The following MYZAP variants were observed in gnomAD, a reference collection of about 807,000 sequenced individuals.
MYZAP encodes myocardial zonula adherens protein.
Under a neutral mutation model 69.4 loss-of-function variants are expected in MYZAP, and 66 were observed. The observed-to-expected ratio is 0.95, with a 90% CI of 0.78 to 1.17. The LOEUF is 1.17. Among genes scored for constraint, MYZAP ranks in the 50% most tolerant of loss-of-function variants. The pLI is 0.00. For missense variants in MYZAP, 611 were observed against 556.2 expected (o/e 1.10, Z -0.99); for synonymous variants, 256 against 205.9 (o/e 1.24, Z -2.09).
chr15:57,668,894 A>ATATTTTTTTTT (rs1252525814), intron 11 of MYZAP, among the ~76,000 whole-genome samples: 1 of 62,604 alleles, frequency 1.6e-5, no homozygotes, highest in African/African-American at 3.9e-5. Context: ...ATATATATAT[A>ATATTTTTTTTT]TTTTTTTTTT....
intron 10 of MYZAP, chr15:57,646,440 A>C: frequency 9.5e-7 from 1 of 1,053,198 alleles, no homozygotes; most frequent in Non-Finnish European, 1.1e-6. Flanking sequence ...AGATCCACAG[A>C]GTATTTTTAG....
chr15:57,636,528 TG>T (rs1377068656), intron 8 of MYZAP, among the ~76,000 whole-genome samples: 1 of 152,190 alleles, frequency 6.6e-6, no homozygotes, highest in Non-Finnish European at 1.5e-5. Context: ...GTTTGCTGGG[TG>T]GAATTTCCGA....
intron 10 of MYZAP, among the ~76,000 whole-genome samples, chr15:57,645,834 T>G (rs2037415655): frequency 6.6e-6 from 1 of 152,250 alleles, no homozygotes; most frequent in South Asian, 2.1e-4. Flanking sequence ...GTTTTCTAGC[T>G]TAGCCATCAA....
At chr15:57,684,092 C>G (rs1365333952) in intron 12 of MYZAP, among the ~76,000 whole-genome samples, 2 of 150,566 alleles carry the variant, frequency 1.3e-5, no homozygotes, top group African/African-American at 4.9e-5. Flanking sequence ...CCACGCTGGG[C>G]CTGGGGCCTC....
At chr15:57,672,677 C>G (rs527283563) in intron 11 of MYZAP, among the ~76,000 whole-genome samples, 14 of 152,330 alleles carry the variant, frequency 9.2e-5, no homozygotes, top group African/African-American at 3.1e-4. Flanking sequence ...TGATTTCTAA[C>G]TTCTTGTAGT....
chr15:57,632,299 G>T, intron 6 of MYZAP, 135 bp from the exon 7 acceptor site: 2 of 1,414,448 alleles, frequency 1.4e-6, no homozygotes, highest in South Asian at 2.8e-5. Context: ...GTTAGGTCTT[G>T]CTGTGTCTCT....
intron 8 of MYZAP, among the ~76,000 whole-genome samples, chr15:57,634,198 G>C (rs899853440): frequency 6.6e-6 from 1 of 152,150 alleles, no homozygotes; most frequent in African/African-American, 2.4e-5. Context: ...TGTGGTGGGG[G>C]AACCTGAGGA....
intron 12 of MYZAP, among the ~76,000 whole-genome samples, chr15:57,676,112 G>C (rs2039099958): frequency 6.6e-6 from 1 of 151,936 alleles, no homozygotes; most frequent in Non-Finnish European, 1.5e-5. Context: ...TCTTCACTGG[G>C]GCCTCGGTTT....
Position 57,685,043 on chromosome 15 carries a change from G to A in MYZAP, c.*545G>A, listed in dbSNP as rs2039627935. The stretch of plus-strand genomic sequence containing the variant: ...CCTCTTGGTCCCAAGCATCTGTGCA[G>A]GGTCGTGGGAGCCACACTGAGAGAC... On this transcript the variant is annotated 3_prime_UTR_variant, in exon 13 of 13. Coordinates refer to ENST00000267853, the MANE Select transcript of MYZAP (RefSeq NM_001018100.5). 1 of 152,702 alleles carries A rather than the reference G, an allele frequency of 6.5e-6. No individual in the cohort carries two copies. The highest frequency in any genetic ancestry group is 1.5e-5 in the Non-Finnish European group (1 of 68,420). The allele number at this position is 152,702 out of a possible 1,614,324, so 9.5% of individuals were successfully genotyped here. A position where few individuals can be genotyped will look rare whatever the true frequency, so the allele number is the denominator to read the frequency against.
chr15:57,621,012 G>A (rs151062277), intron 3 of MYZAP, among the ~76,000 whole-genome samples: 3,215 of 146,662 alleles, frequency 0.022, 65 homozygotes, highest in African/African-American at 0.049. Flanking sequence ...GCATATATTT[G>A]ATATATTCTA....
At chr15:57,676,953 G>A (rs2039169937) in intron 12 of MYZAP, among the ~76,000 whole-genome samples, 1 of 152,166 alleles carries the variant, frequency 6.6e-6, no homozygotes, top group Non-Finnish European at 1.5e-5. Flanking sequence ...AACTACCTAG[G>A]TCAATCAGCA....
intron 1 of MYZAP, among the ~76,000 whole-genome samples, chr15:57,594,157 C>A (rs2033903484): frequency 6.6e-6 from 1 of 152,202 alleles, no homozygotes; most frequent in African/African-American, 2.4e-5. Flanking sequence ...ACTTTGTCAT[C>A]CAGGCTGGAG....
At chr15:57,661,300 A>G (rs2038289932) in intron 10 of MYZAP, 150 bp from the exon 11 acceptor site, 14 of 661,526 alleles carry the variant, frequency 2.1e-5, no homozygotes, top group South Asian at 1.1e-4. Flanking sequence ...GGCTGTTTCA[A>G]TGAAAACCAT....
chr15:57,639,688 G>C lies in MYZAP; in HGVS notation c.1119+143G>C, dbSNP rs1160940228. 3 of 900,518 alleles carry C rather than the reference G, an allele frequency of 3.3e-6. No homozygotes were observed. The African/African-American group carries it at 5.0e-5, about 15-fold the overall frequency. The allele number at this position is 900,518 out of a possible 1,614,324, so 55.8% of individuals were successfully genotyped here. A position where few individuals can be genotyped will look rare whatever the true frequency, so the allele number is the denominator to read the frequency against. ...CCACTGCCATCTAGGCCCAGAGTGG[G>C]ATTTCCCCACATGTCCCCCATGGAC... is the stretch of plus-strand genomic sequence containing the variant. On this transcript the variant is annotated intron_variant, in intron 10 of 12. Transcript: ENST00000267853.
At chr15:57,660,793 T>C (rs1216658542) in intron 10 of MYZAP, among the ~76,000 whole-genome samples, 1 of 152,118 alleles carries the variant, frequency 6.6e-6, no homozygotes, top group Non-Finnish European at 1.5e-5. Flanking sequence ...TAGGGAGACA[T>C]GATGTATGAT....
At position 57,593,185 on chromosome 15, in the gene MYZAP, G is replaced by GGC. The variant is rs1555454548; in HGVS notation, c.75+1079_75+1080dup. Among the ~76,000 whole-genome samples the GGC allele has an allele frequency of 1.7e-3, 54 of 31,692 alleles. 1 individual carries two copies. Among genetic ancestry groups the GGC allele is most frequent in the African/African-American group, 9.8e-3 (46 of 4,686 alleles). The allele number at this position is 31,692 out of a possible 152,430, so 20.8% of individuals were successfully genotyped here. A position where few individuals can be genotyped will look rare whatever the true frequency, so the allele number is the denominator to read the frequency against. On this transcript the variant is annotated intron_variant, in intron 1 of 12. Coordinates refer to ENST00000267853, the MANE Select transcript of MYZAP (RefSeq NM_001018100.5). ...ACCAGACACTTAGGTTGTGTACACAGGCGCACACACACACACACACACACA... is the reference window on the plus strand; with the variant it reads ...ACCAGACACTTAGGTTGTGTACACAGGCGCGCACACACACACACACACACACA...
At chr15:57,660,506 G>A (rs1319044260) in intron 10 of MYZAP, among the ~76,000 whole-genome samples, 1 of 152,026 alleles carries the variant, frequency 6.6e-6, no homozygotes, top group Non-Finnish European at 1.5e-5. Flanking sequence ...GTAGAGGCAG[G>A]GTCTCACTAT....
At chr15:57,594,460 G>A (rs1194311618) in intron 1 of MYZAP, among the ~76,000 whole-genome samples, 1 of 152,212 alleles carries the variant, frequency 6.6e-6, no homozygotes. Context: ...AGTAGAATTT[G>A]TAGGGGAATT....
chr15:57,603,358 G>T (rs2034537972), intron 1 of MYZAP, among the ~76,000 whole-genome samples: 1 of 151,490 alleles, frequency 6.6e-6, no homozygotes, highest in Non-Finnish European at 1.5e-5. Context: ...TTACCATTTT[G>T]ACCCTTTTTA....
Sources: gnomAD v4.1 joint callset for allele counts (sites outside exome capture counted in the v4.1 genomes callset) on GRCh38, gnomAD v4.1.1 for gene constraint, MANE v1.5 for transcripts, NCBI Gene and HGNC (gene_info 2026-07-23, HGNC 2026-07-21) for gene names.